Variants in VWCE observed in about 807,000 individuals in gnomAD.
VWCE encodes von Willebrand factor C and EGF domains, also known as von Willebrand factor C and EGF domain-containing protein.
VWCE carries 68 observed loss-of-function variants against 102.9 expected under a neutral mutation model. The observed-to-expected ratio is 0.66, with a 90% confidence interval of 0.54 to 0.81. The LOEUF is 0.81. Ranked by LOEUF, VWCE falls within the 30% of genes least tolerant of loss-of-function variation. VWCE has a pLI of 0.00. For synonymous variants in VWCE, 497 were observed against 515.4 expected (o/e 0.96, Z 0.48); for missense variants, 1,137 against 1,263.6 (o/e 0.90, Z 1.52).
chr11:61,295,260 G>A lies in VWCE; in HGVS notation c.-223C>T. On this transcript the variant is annotated 5_prime_UTR_variant, in exon 1 of 20. Coordinates refer to ENST00000335613, the MANE Select transcript of VWCE (RefSeq NM_152718.2). This position sits in a 1 kb window ranked among gnomAD's most constrained non-coding sequence, Gnocchi z 4.6. ...TTGTGGGGAGGGTCTCTGGCACCTCGAAGCGAAACACACAAAGGCAACGCC... is the reference window on the plus strand; with the variant it reads ...TTGTGGGGAGGGTCTCTGGCACCTCAAAGCGAAACACACAAAGGCAACGCC... The A allele has an allele frequency of 5.4e-6, 2 of 371,328 alleles. No individual in the cohort carries two copies. The highest frequency in any genetic ancestry group is 9.6e-6 in the Non-Finnish European group (2 of 208,836). 23.0% of individuals were successfully genotyped at this position (371,328 alleles called of 1,614,324 possible).
Position 61,258,481 on chromosome 11 carries a change from T to G in VWCE, c.*194A>C. 1.9e-6 allele frequency: 1 copy of G among 523,692 alleles called. No homozygotes were observed. The highest frequency in any genetic ancestry group is 2.9e-6 in the Non-Finnish European group (1 of 342,738). 32.4% of individuals were successfully genotyped at this position (523,692 alleles called of 1,614,324 possible). ...CTGACAGTGGAAACGACTTCCTCCA[T>G]TCTTACAGCACATTCCAAACACTTC... On this transcript the variant is annotated 3_prime_UTR_variant, in exon 20 of 20. Transcript: ENST00000335613.
At chr11:61,274,665 G>A (rs1854849518) in intron 11 of VWCE, 81 bp from the exon 12 acceptor site, 1 of 1,291,238 alleles carries the variant, frequency 7.7e-7, no homozygotes, top group East Asian at 2.4e-5. Context: ...TGGGTAGGGA[G>A]CCCCGGGGCA....
intron 4 of VWCE, among the ~76,000 whole-genome samples, chr11:61,288,839 GTTT>G (rs34247864): frequency 7.5e-6 from 1 of 133,998 alleles, no homozygotes; most frequent in Non-Finnish European, 1.6e-5. Flanking sequence ...TTTATGGCGC[GTTT>G]TTTTTTTTTT....
In VWCE at chr11:61,277,827, G is replaced by A. The variant is rs189813708; in HGVS notation, c.1407+567C>T. 1.6e-3 allele frequency among the ~76,000 whole-genome samples: 244 copies of A among 152,134 alleles called. 1 individual carries two copies. The Middle Eastern group carries it at 0.017, about 11-fold the overall frequency. The stretch of plus-strand genomic sequence containing the variant: ...ACCCTGGGCCTGGCACTCAGTAGAT[G>A]CTCCTAATCAGCATTTTCTTTTTTT... On this transcript the variant is annotated intron_variant, in intron 10 of 19. Transcript: ENST00000335613.
At position 61,258,776 on chromosome 11, in the gene VWCE, G is replaced by A; in HGVS notation, c.2767C>T (p.Pro923Ser). 10 of 1,492,798 alleles carry A rather than the reference G, an allele frequency of 6.7e-6. No individual in the cohort carries two copies. Among genetic ancestry groups the A allele is most frequent in the Non-Finnish European group, 8.9e-6 (10 of 1,122,162 alleles). The allele number at this position is 1,492,798 out of a possible 1,614,324, so 92.5% of individuals were successfully genotyped here. The change falls in exon 20 of 20, where the codon CCC becomes TCC. Residue 923 changes from proline (P) to serine (S), a missense_variant. Coordinates refer to ENST00000335613, the MANE Select transcript of VWCE (RefSeq NM_152718.2). ...ITLLGPRVLS[P>S]TTSRLSTALA... ...GCTGTGGAGAGTCTAGAGGTGGTGG[G>A]AGAAAGCACGCGAGGCCCGAGGAGG...
intron 9 of VWCE, among the ~76,000 whole-genome samples, chr11:61,278,766 T>G (rs1057205971): frequency 6.6e-6 from 1 of 152,020 alleles, no homozygotes; most frequent in African/African-American, 2.4e-5. Flanking sequence ...TGAGGCCAGG[T>G]GCAGTGGCTC....
In VWCE at chr11:61,271,239, G is replaced by A. The variant is rs534871954; in HGVS notation, c.1785+436C>T. On this transcript the variant is annotated intron_variant, in intron 14 of 19. Coordinates refer to ENST00000335613, the MANE Select transcript of VWCE (RefSeq NM_152718.2). ...CAGCTCACTGCAACCTCCTCCTCCCGGGTTCAAACGATTCTCCTGCCTCAG... is the reference window on the plus strand; with the variant it reads ...CAGCTCACTGCAACCTCCTCCTCCCAGGTTCAAACGATTCTCCTGCCTCAG... 10 of 175,810 alleles carry A rather than the reference G, an allele frequency of 5.7e-5. No homozygotes were observed. In the East Asian group the frequency reaches 7.1e-4, roughly 13 times the overall value. 10.9% of individuals were successfully genotyped at this position (175,810 alleles called of 1,614,324 possible). A position where few individuals can be genotyped will look rare whatever the true frequency, so the allele number is the denominator to read the frequency against.
chr11:61,258,910 G>T lies in VWCE; in HGVS notation c.2633C>A (p.Ala878Asp), dbSNP rs1282127854. The stretch of plus-strand genomic sequence containing the variant: ...CCTGGACACTATCTGGGCCCCAGAG[G>T]CTGAGAACGAGCGCTCTGGAGTCAC... ...PPVTPERSFS[A>D]SGAQIVSRWP... Residue 878 changes from alanine to aspartate, a missense_variant, in exon 20 of 20, where the codon GCC becomes GAC. Physicochemically the swap from Ala to Asp is moderately radical, Grantham distance 126. Around this residue, in one of 5 missense-constraint regions of VWCE, gnomAD observed 316 missense variants for 319.3 expected, o/e 0.99. Coordinates refer to ENST00000335613, the MANE Select transcript of VWCE (RefSeq NM_152718.2). The T allele has an allele frequency of 2.6e-6, 4 of 1,531,826 alleles. No homozygotes were observed. The highest frequency in any genetic ancestry group is 3.5e-6 in the Non-Finnish European group (4 of 1,143,240). The allele number at this position is 1,531,826 out of a possible 1,614,324, so 94.9% of individuals were successfully genotyped here. A position where few individuals can be genotyped will look rare whatever the true frequency, so the allele number is the denominator to read the frequency against.
rs369746831 is a variant in VWCE, at chr11:61,264,480, C to T, written c.2230+7G>A. 5.0e-6 allele frequency: 8 copies of T among 1,612,724 alleles called. No individual in the cohort carries two copies. Among genetic ancestry groups the T allele is most frequent in the Non-Finnish European group, 5.9e-6 (7 of 1,179,506 alleles). ...GGAGAAACTCCAGGACCCAGAGACC[C>T]ACTTACCTGGACAGGAAGAGCAGCA... On this transcript the variant is annotated splice_region_variant and intron_variant, in intron 19 of 19. Coordinates refer to ENST00000335613, the MANE Select transcript of VWCE (RefSeq NM_152718.2).
intron 15 of VWCE, among the ~76,000 whole-genome samples, chr11:61,268,244 T>C (rs1854569294): frequency 6.6e-6 from 1 of 152,170 alleles, no homozygotes; most frequent in Admixed American, 6.6e-5. Context: ...TTGCTTTCTG[T>C]ACTTTTTTTC....
chr11:61,283,151 G>GCCT (rs931692052), intron 5 of VWCE, among the ~76,000 whole-genome samples: 1 of 152,146 alleles, frequency 6.6e-6, no homozygotes, highest in African/African-American at 2.4e-5. Context: ...AATAGCCAGA[G>GCCT]CCTCCAGTGT....
Position 61,262,698 on chromosome 11 carries a change from G to A in VWCE, c.2230+1789C>T, listed in dbSNP as rs543306521. Among the ~76,000 whole-genome samples the A allele has an allele frequency of 2.6e-3, 392 of 152,138 alleles. 3 individuals carry two copies. The highest frequency in any genetic ancestry group is 8.9e-3 in the African/African-American group (371 of 41,506). ...TCCACAGATCTGAAGAGCTGCCCCCGAAAACAGAACATACTCTTCAAAAGG... is the reference window on the plus strand; with the variant it reads ...TCCACAGATCTGAAGAGCTGCCCCCAAAAACAGAACATACTCTTCAAAAGG... On this transcript the variant is annotated intron_variant, in intron 19 of 19. Coordinates refer to ENST00000335613, the MANE Select transcript of VWCE (RefSeq NM_152718.2).
rs183883546 is a variant in VWCE, at chr11:61,291,626, T to A, written c.111-50A>T. On this transcript the variant is annotated intron_variant, in intron 1 of 19. Transcript: ENST00000335613. ...CCTCATTCTATACTGGGGGAGACAT[T>A]GGTCAACAGGAAAGTCTCCCAGCCA... is the stretch of plus-strand genomic sequence containing the variant. 107 of 1,354,292 alleles carry A rather than the reference T, an allele frequency of 7.9e-5. No homozygotes were observed. The East Asian group carries it at 1.5e-3, about 19-fold the overall frequency. The allele number at this position is 1,354,292 out of a possible 1,614,324, so 83.9% of individuals were successfully genotyped here.
In VWCE at chr11:61,281,838, T is replaced by C. The variant is rs746182786; in HGVS notation, c.735A>G (p.Leu245=). 4 of 1,613,786 alleles carry C rather than the reference T, an allele frequency of 2.5e-6. No homozygotes were observed. The highest frequency in any genetic ancestry group is 3.3e-5 in the Admixed American group (2 of 59,988). ...HSCHNTVGSF[L]CTCRPGFRLR... ...GCCTGAAGCCAGGTCGGCATGTGCA[T>C]AGGAAGCTGCCCACGGTGTTGTGGC... Residue 245 remains leucine, a synonymous_variant, in exon 7 of 20, where the codon CTA becomes CTG. Transcript: ENST00000335613.
At chr11:61,293,395 T>G (rs1590665350) in intron 1 of VWCE, among the ~76,000 whole-genome samples, 1 of 137,582 alleles carries the variant, frequency 7.3e-6, no homozygotes, top group Admixed American at 7.6e-5. Context: ...CCAGCCTGGG[T>G]GACAGAATAA....
chr11:61,291,889 CTGCCTCAGGACCTT>C (rs1452116918), intron 1 of VWCE, among the ~76,000 whole-genome samples: 1 of 152,202 alleles, frequency 6.6e-6, no homozygotes, highest in Non-Finnish European at 1.5e-5. Flanking sequence ...CCAGGGGTGG[CTGCCTCAGGACCTT>C]TGCACTTGCA....
In VWCE at chr11:61,295,088, C is replaced by A; in HGVS notation, c.-51G>T. ...CTGGGCTCGGCTCCTGCGCCGCGCG[C>A]GGGAGAGGGGGCTGCCGGCCCTCGC... On this transcript the variant is annotated 5_prime_UTR_variant, in exon 1 of 20. Coordinates refer to ENST00000335613, the MANE Select transcript of VWCE (RefSeq NM_152718.2). The surrounding 1 kb of genome is among the most constrained non-coding windows in gnomAD (Gnocchi z 4.6). The A allele has an allele frequency of 8.3e-7, 1 of 1,199,368 alleles. No individual in the cohort carries two copies. Among genetic ancestry groups the A allele is most frequent in the Non-Finnish European group, 1.1e-6 (1 of 940,520 alleles). The allele number at this position is 1,199,368 out of a possible 1,614,324, so 74.3% of individuals were successfully genotyped here.
rs181924433 is a variant in VWCE at position 61,282,977 on chromosome 11, C to T, written c.542-72G>A. 1,688 of 1,271,918 alleles carry T rather than the reference C, an allele frequency of 1.3e-3. 33 individuals are homozygous for T. The Admixed American group carries it at 0.027, about 20-fold the overall frequency. 78.8% of individuals were successfully genotyped at this position (1,271,918 alleles called of 1,614,324 possible). On this transcript the variant is annotated intron_variant, in intron 5 of 19. Transcript: ENST00000335613. Reference sequence around the variant, plus strand: ...CTTGGAAATATATGGTCCCCTCTTCCTCCCTCATCTCCATCTCCTATACAC... The same window carrying T: ...CTTGGAAATATATGGTCCCCTCTTCTTCCCTCATCTCCATCTCCTATACAC...
rs1379000675 is a variant in VWCE at position 61,258,971 on chromosome 11, G to A, written c.2572C>T (p.Pro858Ser). 5 of 1,594,920 alleles carry A rather than the reference G, an allele frequency of 3.1e-6. No individual in the cohort carries two copies. The highest frequency in any genetic ancestry group is 4.3e-6 in the Non-Finnish European group (5 of 1,170,798). Residue 858 changes from proline (P) to serine (S), a missense_variant, in exon 20 of 20, where the codon CCT (proline) becomes TCT (serine). Coordinates refer to ENST00000335613, the MANE Select transcript of VWCE (RefSeq NM_152718.2). ...TGAGGAGCCCCTGGGGAAGCTAGAG[G>A]TAGAGTGGGGGCTCCTGGAGGGGTC... ...PSTPPGAPTL[P>S]LASPGAPQPP...
Sources: allele counts gnomAD v4.1 joint callset (sites outside exome capture counted in the v4.1 genomes callset), GRCh38; gene constraint gnomAD v4.1.1; regional missense constraint gnomAD v4.1.1; non-coding constraint Gnocchi (gnomAD v3.1); transcripts MANE v1.5; gene names NCBI Gene and HGNC (gene_info 2026-07-23, HGNC 2026-07-21).